The following SERINC4 variants were observed in gnomAD, a reference collection of about 807,000 sequenced individuals.
SERINC4 encodes the protein serine incorporator 4.
A neutral mutation model predicts 52.0 loss-of-function variants in SERINC4; 52 were observed. That is an observed-to-expected ratio of 1.00 (90% CI 0.80 to 1.26). SERINC4 has a LOEUF of 1.26. Among genes scored for constraint, SERINC4 ranks in the 50% most tolerant of loss-of-function variants. The probability of loss-of-function intolerance (pLI) is 0.00; values close to 1 mark genes in which losing one functional copy is unlikely to be tolerated. For synonymous variants in SERINC4, 264 were observed against 247.7 expected, an observed-to-expected ratio of 1.07 and a Z score of -0.62; for missense variants, 723 against 632.8, an observed-to-expected ratio of 1.14 and a Z score of -1.53.
intron 9 of SERINC4, 87 bp downstream of exon 9, chr15:43,796,068 G>A: frequency 1.0e-6 from 1 of 965,158 alleles, no homozygotes; most frequent in Non-Finnish European, 1.7e-6. Flanking sequence ...TATAATCTGA[G>A]CATTCTGGGT....
intron 5 of SERINC4, 189 bp from the exon 6 acceptor site, chr15:43,797,545 AC>A: frequency 1.2e-5 from 7 of 578,884 alleles, no homozygotes; most frequent in Non-Finnish European, 1.8e-5. Context: ...GGCACCTACC[AC>A]CATGTCCAGC....
Position 43,796,485 on chromosome 15 carries a change from G to T in SERINC4, c.1067+131C>A, listed in dbSNP as rs554114048. The T allele has an allele frequency of 8.8e-6, 9 of 1,018,710 alleles. No individual in the cohort carries two copies. In the South Asian group the frequency reaches 1.2e-4, roughly 14 times the overall value. The allele number at this position is 1,018,710 out of a possible 1,614,324, so 63.1% of individuals were successfully genotyped here. On this transcript the variant is annotated intron_variant, in intron 8 of 11. Transcript: ENST00000319327. The stretch of plus-strand genomic sequence containing the variant: ...AGTACTATTCTTAGAATTTGTCCCT[G>T]TTTGTGGGGAGCTTTTCTCACTCTA...
chr15:43,799,573 G>T (rs532236214), intron 1 of SERINC4, 87 bp from the exon 2 acceptor site: 34 of 1,477,936 alleles, frequency 2.3e-5, no homozygotes, highest in Non-Finnish European at 3.1e-5. Flanking sequence ...TAACCCAGGA[G>T]GTTGAATTCC....
rs772059515 is a variant in SERINC4 at position 43,795,483 on chromosome 15, G to A, written c.1248C>T (p.Val416=). The A allele has an allele frequency of 5.8e-5, 94 of 1,614,082 alleles. No individual in the cohort carries two copies. Among genetic ancestry groups the A allele is most frequent in the Non-Finnish European group, 7.4e-5 (87 of 1,180,030 alleles). The change falls in exon 11 of 12, where the codon GTC becomes GTT. Residue 416 remains valine, a synonymous_variant. Coordinates refer to ENST00000319327, the MANE Select transcript of SERINC4 (RefSeq NM_001258031.2). ...AGTTGTAGGAAAGATGCTGGACTTG[G>A]ACTGGAGGAGCTGGAGGGGTTTCTT... ...ADQETPPAPP[V]QVQHLSYNYS... is the part of the protein sequence containing the mutation.
Position 43,800,035 on chromosome 15 carries a change from G to C in SERINC4, c.-49C>G, listed in dbSNP as rs189916294. The stretch of plus-strand genomic sequence containing the variant: ...GGTCCACCAGATGGAAGGCAGATGA[G>C]AGCAGCAGTTGCTTCTGTCCTCAGC... On this transcript the variant is annotated 5_prime_UTR_variant, in exon 1 of 12. Transcript: ENST00000319327. The C allele has an allele frequency of 3.9e-4, 526 of 1,354,234 alleles. 3 individuals carry two copies. Among genetic ancestry groups the C allele is most frequent in the Non-Finnish European group, 1.9e-5 (19 of 1,008,758 alleles). 83.9% of individuals were successfully genotyped at this position (1,354,234 alleles called of 1,614,324 possible).
rs1206018787 is a variant in SERINC4 at position 43,797,231 on chromosome 15, C to G, written c.758G>C (p.Cys253Ser). The change falls in exon 6 of 12, where the codon TGC becomes TCC. Residue 253 changes from cysteine (C) to serine (S), a missense_variant. Cys to Ser is a moderately radical substitution (Grantham distance 112). Coordinates refer to ENST00000319327, the MANE Select transcript of SERINC4 (RefSeq NM_001258031.2). The stretch of plus-strand genomic sequence containing the variant: ...ACTGAGGAGCATCTTGTTAAGCAGG[C>G]AGCCAGCTGGGTGTGTATAATAGTG... The part of the protein sequence containing the change: ...LFHYYTHPAG[C>S]LLNKMLLSLH... 6.4e-7 allele frequency: 1 copy of G among 1,550,706 alleles called. No homozygotes were observed. The highest frequency in any genetic ancestry group is 2.0e-5 in the Admixed American group (1 of 50,986).
At position 43,796,856 on chromosome 15, in the gene SERINC4, G is replaced by A; in HGVS notation, c.929C>T (p.Pro310Leu). Reference protein sequence around the residue: ...YLTFSALSSRPPERVILQGQN... With the variant: ...YLTFSALSSRLPERVILQGQN... ...GTCCTGTCCCTTACCTCTCTCTGGA[G>A]GACGGCTGGACAGTGCAGAGAAAGT... The change falls in exon 7 of 12, where the codon CCT becomes CTT. Residue 310 changes from proline (P) to leucine (L), a missense_variant. Pro to Leu is a moderately conservative substitution (Grantham distance 98). Transcript: ENST00000319327. The A allele has an allele frequency of 6.2e-7, 1 of 1,614,044 alleles. No homozygotes were observed. The highest frequency in any genetic ancestry group is 8.5e-7 in the Non-Finnish European group (1 of 1,179,900).
Position 43,796,631 on chromosome 15 carries a change from C to G in SERINC4, c.1052G>C (p.Cys351Ser). Reference sequence around the variant, plus strand: ...CTTTACGCACCAAGCAAAAAGCACACAAGCATACATGATGCTAGCACTCAG... The same window carrying G: ...CTTTACGCACCAAGCAAAAAGCACAGAAGCATACATGATGCTAGCACTCAG... ...AMLSASIMYA[C>S]VLFACNEASY... The change falls in exon 8 of 12, where the codon TGT (cysteine) becomes TCT (serine). Residue 351 changes from cysteine to serine, a missense_variant. Physicochemically the swap from Cys to Ser is moderately radical, Grantham distance 112. Coordinates refer to ENST00000319327, the MANE Select transcript of SERINC4 (RefSeq NM_001258031.2). 1 of 1,614,116 alleles carries G rather than the reference C, an allele frequency of 6.2e-7. No individual in the cohort carries two copies. Among genetic ancestry groups the G allele is most frequent in the Non-Finnish European group, 8.5e-7 (1 of 1,180,002 alleles).
chr15:43,796,112 G>GTGTCTTTGT, intron 9 of SERINC4, 43 bp downstream of exon 9: 1 of 1,371,016 alleles, frequency 7.3e-7, no homozygotes, highest in Non-Finnish European at 1.0e-6. Context: ...GTCTTTGTGT[G>GTGTCTTTGT]GGGGAGGGAG....
Position 43,796,932 on chromosome 15 carries a change from G to C in SERINC4, c.853C>G (p.Arg285Gly). Reference protein sequence around the residue: ...IAPCIRLKQPRSGLLQASVIS... With the variant: ...IAPCIRLKQPGSGLLQASVIS... The stretch of plus-strand genomic sequence containing the variant: ...ACAGAAGCTTGTAGGAGGCCAGAGC[G>C]GGGTTGCTCTGGGGAGTAAGTATAA... Residue 285 changes from arginine to glycine, a missense_variant, in exon 7 of 12, where the codon CGC becomes GGC. Coordinates refer to ENST00000319327, the MANE Select transcript of SERINC4 (RefSeq NM_001258031.2). 1.2e-6 allele frequency: 2 copies of C among 1,613,120 alleles called. No homozygotes were observed. The highest frequency in any genetic ancestry group is 8.5e-7 in the Non-Finnish European group (1 of 1,179,060).
intron 3 of SERINC4, chr15:43,798,735 A>G: frequency 3.2e-6 from 2 of 627,452 alleles, no homozygotes; most frequent in Non-Finnish European, 5.7e-6. Flanking sequence ...TTTACAGTTT[A>G]TAAAGGATTG....
At position 43,798,853 on chromosome 15, in the gene SERINC4, TTC is replaced by T. The variant is rs1016420603; in HGVS notation, c.458+104_458+105del. The stretch of plus-strand genomic sequence containing the variant: ...CGAGAAGCAGGGACTTAAACCTGTT[TTC>T]TGTCTTTTTACAGTGCTATTACTTC... On this transcript the variant is annotated intron_variant, in intron 3 of 11. Transcript: ENST00000319327. 24 of 1,165,790 alleles carry T rather than the reference TTC, an allele frequency of 2.1e-5. No homozygotes were observed. The African/African-American group carries it at 3.2e-4, about 15-fold the overall frequency. The allele number at this position is 1,165,790 out of a possible 1,614,324, so 72.2% of individuals were successfully genotyped here. A position where few individuals can be genotyped will look rare whatever the true frequency, so the allele number is the denominator to read the frequency against.
rs1186677519 is a variant in SERINC4, at chr15:43,794,855, A to G, written c.*145T>C. Reference sequence around the variant, plus strand: ...CCAGCACATTAGACTGTGTTTGACCACTTCTTCCAGTTCATAGTATTGACT... The same window carrying G: ...CCAGCACATTAGACTGTGTTTGACCGCTTCTTCCAGTTCATAGTATTGACT... On this transcript the variant is annotated 3_prime_UTR_variant, in exon 12 of 12. Transcript: ENST00000319327. The G allele has an allele frequency of 1.2e-4, 79 of 664,482 alleles. No homozygotes were observed. The East Asian group carries it at 2.0e-3, about 17-fold the overall frequency. The allele number at this position is 664,482 out of a possible 1,614,324, so 41.2% of individuals were successfully genotyped here.
At chr15:43,798,931 C>T in intron 3 of SERINC4, 28 bp downstream of exon 3, 1 of 1,549,306 alleles carries the variant, frequency 6.5e-7, no homozygotes, top group East Asian at 2.4e-5. Flanking sequence ...TCCTCTGTCC[C>T]CTCCCCACCC....
rs770807720 is a variant in SERINC4, at chr15:43,795,455, A to C, written c.1276T>G (p.Ser426Ala). Residue 426 changes from serine (S) to alanine (A), a missense_variant, in exon 11 of 12, where the codon TCT becomes GCT. By Grantham distance (99) the Ser-to-Ala change is moderately conservative. Transcript: ENST00000319327. The part of the protein sequence containing the change: ...VQVQHLSYNY[S>A]AFHFVFFLAS... ...AGGAAGAAGACGAAGTGGAAGGCAG[A>C]ATAGTTGTAGGAAAGATGCTGGACT... 2 of 1,614,058 alleles carry C rather than the reference A, an allele frequency of 1.2e-6. No homozygotes were observed. The highest frequency in any genetic ancestry group is 2.7e-5 in the African/African-American group (2 of 74,924).
At position 43,799,396 on chromosome 15, in the gene SERINC4, T is replaced by G. The variant is rs1405022597; in HGVS notation, c.193A>C (p.Ile65Leu). ...TASTCSRLFYILLHVGASAIC... is the reference protein window; with the variant it reads ...TASTCSRLFYLLLHVGASAIC... ...GCTGAGGCCCCCACATGGAGGAGGA[T>G]GTAGAACAGGCGGCTGCAAGTGGAT... The change falls in exon 2 of 12, where the codon ATC becomes CTC. Residue 65 changes from isoleucine (I) to leucine (L), a missense_variant. Transcript: ENST00000319327. The G allele has an allele frequency of 6.4e-7, 1 of 1,550,652 alleles. No individual in the cohort carries two copies. The highest frequency in any genetic ancestry group is 8.7e-7 in the Non-Finnish European group (1 of 1,147,036).
chr15:43,794,408 C>T lies in SERINC4; in HGVS notation c.*592G>A, dbSNP rs1458564536. 6.1e-6 allele frequency: 1 copy of T among 164,328 alleles called. No individual in the cohort carries two copies. Among genetic ancestry groups the T allele is most frequent in the East Asian group, 1.8e-4 (1 of 5,440 alleles). The allele number at this position is 164,328 out of a possible 1,614,324, so 10.2% of individuals were successfully genotyped here. A position where few individuals can be genotyped will look rare whatever the true frequency, so the allele number is the denominator to read the frequency against. The stretch of plus-strand genomic sequence containing the variant: ...CTGCTTGAAAGTTGGCCAAAAAATC[C>T]TGCTGCTCACCGACTTCCCGTGGTC... On this transcript the variant is annotated 3_prime_UTR_variant, in exon 12 of 12. Coordinates refer to ENST00000319327, the MANE Select transcript of SERINC4 (RefSeq NM_001258031.2).
rs2087232662 is a variant in SERINC4 at position 43,797,153 on chromosome 15, A to T, written c.836T>A (p.Ile279Asn). ...GTAGGACATGTACCCACTGAGGCGG[A>T]TGCAAGGAGCGATGGAGAGGAAGGA... ...LISFLSIAPC[I>N]RLKQPRSGLL... The change falls in exon 6 of 12, where the codon ATC becomes AAC. Residue 279 changes from isoleucine (I) to asparagine (N), a missense_variant. Ile to Asn is a moderately radical substitution (Grantham distance 149). Coordinates refer to ENST00000319327, the MANE Select transcript of SERINC4 (RefSeq NM_001258031.2). The T allele has an allele frequency of 2.6e-6, 4 of 1,551,134 alleles. No homozygotes were observed. Among genetic ancestry groups the T allele is most frequent in the Non-Finnish European group, 3.5e-6 (4 of 1,147,040 alleles).
chr15:43,795,431 G>C lies in SERINC4; in HGVS notation c.1300C>G (p.Leu434Val), dbSNP rs924844763. The change falls in exon 11 of 12, where the codon CTT becomes GTT. Residue 434 changes from leucine to valine, a missense_variant. Leu to Val is a conservative substitution (Grantham distance 32). Transcript: ENST00000319327. The part of the protein sequence containing the change: ...NYSAFHFVFF[L>V]ASLYVMVTLT... ...GTAACCATGACATAGAGTGAGGCAA[G>C]GAAGAAGACGAAGTGGAAGGCAGAA... 2.5e-6 allele frequency: 4 copies of C among 1,614,184 alleles called. No individual in the cohort carries two copies. The highest frequency in any genetic ancestry group is 3.4e-6 in the Non-Finnish European group (4 of 1,180,030).
Sources: allele counts gnomAD v4.1 joint callset, GRCh38; gene constraint gnomAD v4.1.1; transcripts MANE v1.5; gene names NCBI Gene and HGNC (gene_info 2026-07-23, HGNC 2026-07-21).